SLCO4A1: variants seen among roughly 807,000 people sequenced by gnomAD.
The protein encoded by SLCO4A1 is solute carrier organic anion transporter family member 4A1, also known as colon organic anion transporter.
SLCO4A1 carries 51 observed loss-of-function variants against 64.6 expected under a neutral mutation model. The ratio of observed to expected loss-of-function variants is 0.79; its 90% CI spans 0.63 to 1.00. The LOEUF (loss-of-function observed/expected upper bound fraction) is 1.00. Among genes scored for constraint, SLCO4A1 ranks in the 50% least tolerant of loss-of-function variants. The pLI is 0.00. For synonymous variants in SLCO4A1, 471 were observed against 444.9 expected, an observed-to-expected ratio of 1.06 and a Z score of -0.74; for missense variants, 919 against 980.5, an observed-to-expected ratio of 0.94 and a Z score of 0.84.
downstream of SLCO4A1, among the ~76,000 whole-genome samples, chr20:62,688,899 T>C (rs1861502951): frequency 6.6e-6 from 1 of 152,222 alleles, no homozygotes; most frequent in South Asian, 2.1e-4. Context: ...CCTTTAATTC[T>C]TCCCAATAAA....
At chr20:62,658,394 CTACT>C (rs1984144553) in intron 2 of SLCO4A1, among the ~76,000 whole-genome samples, 1 of 152,262 alleles carries the variant, frequency 6.6e-6, no homozygotes, top group South Asian at 2.1e-4. Context: ...ATCTGTGCGG[CTACT>C]TAGACGCCCT....
rs1601607116 is a variant in SLCO4A1, at chr20:62,648,263, G to C, written c.-97+5710G>C. On this transcript the variant is annotated intron_variant, in intron 1 of 11. Coordinates refer to ENST00000217159, the MANE Select transcript of SLCO4A1 (RefSeq NM_016354.4). ...CAGCTGGCTCTCTAGATGCACCGGA[G>C]GGGCGGGGTGGTTTGCGTTTCTCTC... Among the ~76,000 whole-genome samples the C allele has an allele frequency of 7.9e-5, 12 of 152,380 alleles. 1 individual carries two copies. In the South Asian group the frequency reaches 2.5e-3, roughly 32 times the overall value.
chr20:62,670,033 C>G (rs558826349), intron 11 of SLCO4A1: 4 of 152,234 alleles, frequency 2.6e-5, no homozygotes, highest in Admixed American at 2.0e-4. Flanking sequence ...CTTTAAAGCA[C>G]GCGCCGTTCT....
At chr20:62,666,760 G>A (rs1466463681) in intron 7 of SLCO4A1, 185 bp downstream of exon 7, 6 of 614,676 alleles carry the variant, frequency 9.8e-6, no homozygotes, top group South Asian at 9.5e-5. Flanking sequence ...AAGGCACCAT[G>A]CCAGCCCCCA....
Position 62,656,392 on chromosome 20 carries a change from T to C in SLCO4A1, c.-63T>C. Reference sequence around the variant, plus strand: ...AGCCCCTCGGATACCACTTGGCCACTCCCGCTGAGGCCACTCCCACTGCGT... The same window carrying C: ...AGCCCCTCGGATACCACTTGGCCACCCCCGCTGAGGCCACTCCCACTGCGT... On this transcript the variant is annotated 5_prime_UTR_variant, in exon 2 of 12. Coordinates refer to ENST00000217159, the MANE Select transcript of SLCO4A1 (RefSeq NM_016354.4). 4 of 1,397,922 alleles carry C rather than the reference T, an allele frequency of 2.9e-6. No individual in the cohort carries two copies. The highest frequency in any genetic ancestry group is 3.8e-6 in the Non-Finnish European group (4 of 1,061,856). 86.6% of individuals were successfully genotyped at this position (1,397,922 alleles called of 1,614,324 possible).
At chr20:62,655,337 A>G (rs1983472234) in intron 1 of SLCO4A1, among the ~76,000 whole-genome samples, 1 of 137,870 alleles carries the variant, frequency 7.3e-6, no homozygotes, top group Non-Finnish European at 1.6e-5. Flanking sequence ...TCTGTATCAC[A>G]GCAGCCCCGG....
intron 2 of SLCO4A1, among the ~76,000 whole-genome samples, chr20:62,678,705 C>T (rs910749028): frequency 6.6e-6 from 1 of 151,274 alleles, no homozygotes; most frequent in Non-Finnish European, 1.5e-5. Context: ...GATAAATAGT[C>T]GTACAGCCAC....
chr20:62,655,639 C>T (rs944735339), intron 1 of SLCO4A1, among the ~76,000 whole-genome samples: 1 of 152,174 alleles, frequency 6.6e-6, no homozygotes, highest in Admixed American at 6.5e-5. Context: ...GCACGTTCTC[C>T]TGGTAACTGG....
intron 2 of SLCO4A1, among the ~76,000 whole-genome samples, chr20:62,678,113 A>G (rs1318618328): frequency 6.6e-6 from 1 of 152,252 alleles, no homozygotes; most frequent in African/African-American, 2.4e-5. Context: ...TAGGTTATGC[A>G]GCGCTGTGGC....
downstream of SLCO4A1, among the ~76,000 whole-genome samples, chr20:62,689,159 C>T (rs1374314679): frequency 1.3e-5 from 2 of 152,160 alleles, no homozygotes; most frequent in African/African-American, 4.8e-5. Context: ...AGCTGTGCCC[C>T]GCGCCTCGTA....
intron 7 of SLCO4A1, among the ~76,000 whole-genome samples, chr20:62,667,094 G>A (rs1361707368): frequency 1.3e-5 from 2 of 152,280 alleles, no homozygotes; most frequent in Non-Finnish European, 2.9e-5. Context: ...GCACAAAGCA[G>A]CCGTTGTGGC....
At chr20:62,642,977 C>T (rs1273365938) in intron 1 of SLCO4A1, 1 of 469,410 alleles carries the variant, frequency 2.1e-6, no homozygotes, top group Non-Finnish European at 4.4e-6. Flanking sequence ...GGGACGAACG[C>T]GCCTCCGCGG....
At chr20:62,678,220 AAGG>A (rs1005886427) in intron 2 of SLCO4A1, among the ~76,000 whole-genome samples, 14 of 152,338 alleles carry the variant, frequency 9.2e-5, no homozygotes, top group South Asian at 2.1e-4. Context: ...TGTGCATAAG[AAGG>A]AGAAGAGAGG....
rs763020976 is a variant in SLCO4A1, at chr20:62,666,548, C to T, written c.1445C>T (p.Ala482Val). 38 of 1,612,840 alleles carry T rather than the reference C, an allele frequency of 2.4e-5. No homozygotes were observed. Among genetic ancestry groups the T allele is most frequent in the Non-Finnish European group, 3.2e-5 (38 of 1,179,914 alleles). The change falls in exon 7 of 12, where the codon GCG becomes GTG. Residue 482 changes from alanine to valine, a missense_variant. Transcript: ENST00000217159. ...CTGCACTGCCCCAGTGTGCCCATGG[C>T]GGGCGTCACAGCCAGCTACGGCGGG... is the stretch of plus-strand genomic sequence containing the variant. Reference protein sequence around the residue: ...FSLHCPSVPMAGVTASYGGSL... With the variant: ...FSLHCPSVPMVGVTASYGGSL...
At chr20:62,681,468 T>G (rs1160944638) in intron 2 of SLCO4A1, among the ~76,000 whole-genome samples, 1 of 66,068 alleles carries the variant, frequency 1.5e-5, no homozygotes, top group African/African-American at 6.9e-5. Context: ...GTGTACACAC[T>G]CGTGTGTGTG....
rs202154399 is a variant in SLCO4A1, at chr20:62,657,096, G to A, written c.642G>A (p.Ala214=). ...GGACGTGCCCTGCCAACCCCGGCGC[G>A]GTGTGTGCGGACAGCACCTCGGGCC... ...GVRTCPANPG[A]VCADSTSGLS... is the part of the protein sequence containing the mutation. Residue 214 remains alanine (A), a synonymous_variant, in exon 2 of 12, where the codon GCG becomes GCA. Transcript: ENST00000217159. The A allele has an allele frequency of 1.2e-4, 191 of 1,598,186 alleles. No individual in the cohort carries two copies. In the African/African-American group the frequency reaches 1.3e-3, roughly 11 times the overall value.
At chr20:62,657,538 A>G (rs1408814745) in intron 2 of SLCO4A1, among the ~76,000 whole-genome samples, 1 of 152,238 alleles carries the variant, frequency 6.6e-6, no homozygotes, top group Non-Finnish European at 1.5e-5. Flanking sequence ...CCTTGCCAGG[A>G]CCAAGGGGCA....
downstream of SLCO4A1, among the ~76,000 whole-genome samples, chr20:62,687,464 C>T (rs1049338381): frequency 6.6e-6 from 1 of 152,260 alleles, no homozygotes; most frequent in East Asian, 1.9e-4. Context: ...GTGCGTCATC[C>T]GGGCGGGATG....
downstream of SLCO4A1, among the ~76,000 whole-genome samples, chr20:62,689,578 C>T (rs149280615): frequency 9.6e-4 from 146 of 152,072 alleles, 11 homozygotes; most frequent in Non-Finnish European, 1.0e-4. Flanking sequence ...CAGGGCCCAG[C>T]GAGCCGGGTG....
Sources: gnomAD v4.1 joint callset for allele counts (sites outside exome capture counted in the v4.1 genomes callset) on GRCh38, gnomAD v4.1.1 for gene constraint, MANE v1.5 for transcripts, NCBI Gene and HGNC (gene_info 2026-07-23, HGNC 2026-07-21) for gene names.